The following CES5A variants were observed in gnomAD, a reference collection of about 807,000 sequenced individuals.
The protein encoded by CES5A is carboxylesterase 5A.
In CES5A, 67 loss-of-function variants were observed where a neutral mutation model predicts 62.9. The observed-to-expected ratio is 1.07, with a 90% CI of 0.88 to 1.31. The LOEUF is 1.31. CES5A is among the 50% of genes most tolerant of loss of function. The pLI, the probability that CES5A is intolerant of heterozygous loss-of-function variation, is 0.00. For missense variants in CES5A, 748 were observed against 708.5 expected (o/e 1.06, Z -0.63); for synonymous variants, 296 against 280.8 (o/e 1.05, Z -0.54).
chr16:55,909,191 G>A (rs1183582073), intron 1 of CES5A, among the ~76,000 whole-genome samples: 1 of 152,140 alleles, frequency 6.6e-6, no homozygotes, highest in Non-Finnish European at 1.5e-5. Flanking sequence ...CCAGAGCTGG[G>A]AGGACTGGGA....
intron 2 of CES5A, among the ~76,000 whole-genome samples, chr16:55,940,086 A>G (rs1171701643): frequency 1.3e-5 from 2 of 152,048 alleles, no homozygotes; most frequent in African/African-American, 2.4e-5. Context: ...GAAAAAAAGA[A>G]AAATAAAGAT....
chr16:55,869,087 C>T (rs1753611106), intron 4 of CES5A, among the ~76,000 whole-genome samples: 1 of 152,228 alleles, frequency 6.6e-6, no homozygotes, highest in Admixed American at 6.5e-5. Flanking sequence ...ACACCACCGA[C>T]TGCTCACACA....
chr16:55,944,044 T>C (rs908679650), intron 2 of CES5A: 2 of 702,188 alleles, frequency 2.8e-6, no homozygotes, highest in Non-Finnish European at 2.6e-6. Context: ...TGAAGGGGAC[T>C]CACCTCCATG....
chr16:55,851,470 A>T (rs1315450302), intron 10 of CES5A, among the ~76,000 whole-genome samples: 2 of 152,254 alleles, frequency 1.3e-5, no homozygotes, highest in African/African-American at 4.8e-5. Flanking sequence ...AATAGTCATT[A>T]TTTAAAAAAC....
upstream of CES5A, among the ~76,000 whole-genome samples, chr16:55,928,288 G>A (rs1435968825): frequency 6.6e-6 from 1 of 152,098 alleles, no homozygotes; most frequent in African/African-American, 2.4e-5. Context: ...GGAACTGAAG[G>A]CCATTATCCT....
chr16:55,894,877 C>T (rs1310964271), intron 1 of CES5A, among the ~76,000 whole-genome samples: 1 of 152,096 alleles, frequency 6.6e-6, no homozygotes, highest in Non-Finnish European at 1.5e-5. Flanking sequence ...AAAAAGAGTC[C>T]CTTGTTGTGA....
intron 2 of CES5A, among the ~76,000 whole-genome samples, chr16:55,936,910 C>A (rs561677435): frequency 2.0e-5 from 3 of 152,182 alleles, no homozygotes; most frequent in African/African-American, 7.2e-5. Flanking sequence ...ACAATTTAAT[C>A]CTGAAAACAA....
chr16:55,855,514 C>T (rs140869514), intron 9 of CES5A, among the ~76,000 whole-genome samples: 391 of 152,308 alleles, frequency 2.6e-3, no homozygotes, highest in South Asian at 0.025. Flanking sequence ...TACAGATCCC[C>T]AGTCCCATGT....
At chr16:55,949,755 A>G (rs1185484850) in intron 2 of CES5A, 3 of 1,197,908 alleles carry the variant, frequency 2.5e-6, no homozygotes, top group Non-Finnish European at 3.5e-6. Context: ...GGCAGACCCA[A>G]CCCTGGTAAA....
intron 1 of CES5A, among the ~76,000 whole-genome samples, chr16:55,952,572 T>C (rs2034569366): frequency 6.6e-6 from 1 of 152,000 alleles, no homozygotes; most frequent in South Asian, 2.1e-4. Context: ...AATAACAACA[T>C]TAAGAAGTAA....
chr16:55,856,145 C>T (rs527902032), intron 9 of CES5A, among the ~76,000 whole-genome samples: 1 of 152,268 alleles, frequency 6.6e-6, no homozygotes, highest in East Asian at 1.9e-4. Flanking sequence ...CCTGTACAGC[C>T]TGCAGCATCA....
At chr16:55,865,610 A>T (rs1306198051) in intron 5 of CES5A, among the ~76,000 whole-genome samples, 1 of 152,236 alleles carries the variant, frequency 6.6e-6, no homozygotes, top group African/African-American at 2.4e-5. Context: ...TAAAATATTT[A>T]CATGTATCTT....
chr16:55,922,556 A>G (rs1460363238), intron 1 of CES5A, among the ~76,000 whole-genome samples: 3 of 151,968 alleles, frequency 2.0e-5, no homozygotes, highest in Non-Finnish European at 4.4e-5. Flanking sequence ...GCAAACATTA[A>G]TAGATCTAAA....
At chr16:55,893,885 A>G (rs1261877580) in intron 1 of CES5A, among the ~76,000 whole-genome samples, 1 of 152,182 alleles carries the variant, frequency 6.6e-6, no homozygotes, top group Non-Finnish European at 1.5e-5. Flanking sequence ...TATCTCAAGC[A>G]AGATGAATAC....
intron 1 of CES5A, among the ~76,000 whole-genome samples, chr16:55,900,755 G>T (rs149080376): frequency 2.4e-3 from 372 of 152,298 alleles, no homozygotes; most frequent in African/African-American, 8.4e-3. Context: ...GCCAGGGAAA[G>T]GTAGGCAGTT....
chr16:55,860,900 AG>A (rs1382797025), intron 7 of CES5A, among the ~76,000 whole-genome samples: 1 of 152,206 alleles, frequency 6.6e-6, no homozygotes, highest in Non-Finnish European at 1.5e-5. Flanking sequence ...GGGACATAAA[AG>A]ATCACCCGGT....
In CES5A at chr16:55,849,714, T is replaced by A; in HGVS notation, c.1333A>T (p.Thr445Ser). Reference sequence around the variant, plus strand: ...TCGGCTTTGACAAAAGCTGGCTTCGTGTCTTCAAAGCACTGAGGCCGGTGC... The same window carrying A: ...TCGGCTTTGACAAAAGCTGGCTTCGAGTCTTCAAAGCACTGAGGCCGGTGC... Reference protein sequence around the residue: ...FRHRPQCFEDTKPAFVKADHA... With the variant: ...FRHRPQCFEDSKPAFVKADHA... Residue 445 changes from threonine (T) to serine (S), a missense_variant, in exon 11 of 13, where the codon ACG (threonine) becomes TCG (serine). Thr to Ser is a moderately conservative substitution (Grantham distance 58). Transcript: ENST00000290567. The A allele has an allele frequency of 6.2e-7, 1 of 1,613,990 alleles. No homozygotes were observed. The highest frequency in any genetic ancestry group is 1.3e-5 in the African/African-American group (1 of 75,048).
At chr16:55,916,543 C>T (rs1234120242) in intron 1 of CES5A, among the ~76,000 whole-genome samples, 1 of 152,200 alleles carries the variant, frequency 6.6e-6, no homozygotes, top group Non-Finnish European at 1.5e-5. Flanking sequence ...AAAGCGATTT[C>T]ATTAACTAAT....
At chr16:55,907,761 C>T (rs547419095) in intron 1 of CES5A, among the ~76,000 whole-genome samples, 2 of 152,056 alleles carry the variant, frequency 1.3e-5, no homozygotes, top group Non-Finnish European at 2.9e-5. Flanking sequence ...GGGGAGGGTG[C>T]GAAGAGATGA....
Sources: allele counts gnomAD v4.1 joint callset (sites outside exome capture counted in the v4.1 genomes callset), GRCh38; gene constraint gnomAD v4.1.1; transcripts MANE v1.5; gene names NCBI Gene and HGNC (gene_info 2026-07-23, HGNC 2026-07-21).